The following CNKSR3 variants were observed in gnomAD, a reference collection of about 807,000 sequenced individuals.
CNKSR3 encodes CNKSR family member 3.
Under a neutral mutation model 67.7 loss-of-function variants are expected in CNKSR3, and 36 were observed. That is an observed-to-expected ratio of 0.53 (90% CI 0.41 to 0.70). CNKSR3 has a LOEUF of 0.70. CNKSR3 is among the 30% of genes least tolerant of loss of function. The pLI is 0.00. For synonymous variants in CNKSR3, 281 were observed against 271.4 expected, an observed-to-expected ratio of 1.04 and a Z score of -0.35; for missense variants, 630 against 695.2, an observed-to-expected ratio of 0.91 and a Z score of 1.05.
chr6:154,454,102 C>G (rs867638146), intron 1 of CNKSR3, among the ~76,000 whole-genome samples: 15 of 115,294 alleles, frequency 1.3e-4, no homozygotes, highest in South Asian at 3.8e-4. Context: ...CACACACACA[C>G]ACAGAGAGAG....
chr6:154,436,519 C>A (rs1032248912), intron 4 of CNKSR3, among the ~76,000 whole-genome samples: 1 of 151,916 alleles, frequency 6.6e-6, no homozygotes, highest in Admixed American at 6.6e-5. Context: ...TTTCCTAATT[C>A]TTTTTTTTGT....
chr6:154,393,594 A>G lies in CNKSR3; in HGVS notation c.*12760T>C, dbSNP rs1466638169. The G allele has an allele frequency of 6.6e-6, 1 of 152,164 alleles. No homozygotes were observed. The highest frequency in any genetic ancestry group is 1.5e-5 in the Non-Finnish European group (1 of 68,036). The allele number at this position is 152,164 out of a possible 1,614,324, so 9.4% of individuals were successfully genotyped here. On this transcript the variant is annotated 3_prime_UTR_variant, in exon 13 of 13. Coordinates refer to ENST00000607772, the MANE Select transcript of CNKSR3 (RefSeq NM_173515.4). ...CTTAGGACTTTTTAATCTTCTCCCAATTTGTAACTTTTTAAAAATTTTCTT... is the reference window on the plus strand; with the variant it reads ...CTTAGGACTTTTTAATCTTCTCCCAGTTTGTAACTTTTTAAAAATTTTCTT...
In CNKSR3 at chr6:154,430,596, A is replaced by C; in HGVS notation, c.550-5T>G. 6.2e-7 allele frequency: 1 copy of C among 1,603,752 alleles called. No individual in the cohort carries two copies. Among genetic ancestry groups the C allele is most frequent in the Non-Finnish European group, 8.5e-7 (1 of 1,177,188 alleles). ...GATGCCATTTAAAACCTTGACCTAG[A>C]ATTGGAGAAGCAAATAGTCAGGAAA... On this transcript the variant is annotated splice_polypyrimidine_tract_variant and splice_region_variant and intron_variant, in intron 5 of 12. Coordinates refer to ENST00000607772, the MANE Select transcript of CNKSR3 (RefSeq NM_173515.4).
chr6:154,418,474 C>T (rs1407615044), intron 9 of CNKSR3, among the ~76,000 whole-genome samples: 1 of 152,172 alleles, frequency 6.6e-6, no homozygotes, highest in Non-Finnish European at 1.5e-5. Context: ...ACCATACATG[C>T]TCCCATCCGC....
chr6:154,506,690 C>T (rs1392278176), intron 1 of CNKSR3, among the ~76,000 whole-genome samples: 2 of 152,256 alleles, frequency 1.3e-5, no homozygotes, highest in African/African-American at 4.8e-5. Flanking sequence ...ATTTGGTTAA[C>T]CCACTGGGTT....
chr6:154,510,470 C>T lies in CNKSR3; in HGVS notation c.-356G>A, dbSNP rs1787193816. 1 of 323,008 alleles carries T rather than the reference C, an allele frequency of 3.1e-6. No individual in the cohort carries two copies. The highest frequency in any genetic ancestry group is 5.7e-6 in the Non-Finnish European group (1 of 175,290). 20.0% of individuals were successfully genotyped at this position (323,008 alleles called of 1,614,324 possible). A position where few individuals can be genotyped will look rare whatever the true frequency, so the allele number is the denominator to read the frequency against. ...GGAGCCTCCCGGCCCGCGACCACTT[C>T]CTCGGATCTCTCGAGGCGCGATCGG... On this transcript the variant is annotated 5_prime_UTR_variant, in exon 1 of 13. Transcript: ENST00000607772.
chr6:154,429,617 C>A (rs1323027954), intron 6 of CNKSR3, among the ~76,000 whole-genome samples: 1 of 152,104 alleles, frequency 6.6e-6, no homozygotes, highest in Non-Finnish European at 1.5e-5. Context: ...AGAATGTGGG[C>A]CTGTCAACAA....
At position 154,460,843 on chromosome 6, in the gene CNKSR3, C is replaced by T. The variant is rs895102004; in HGVS notation, c.53-10585G>A. Among the ~76,000 whole-genome samples the T allele has an allele frequency of 3.3e-5, 5 of 152,312 alleles. No homozygotes were observed. In the East Asian group the frequency reaches 9.6e-4, roughly 29 times the overall value. ...TTTATGTTTTTAGCACGGGGGAGAA[C>T]CAACTCGGCACAGAGACATGCAGTG... On this transcript the variant is annotated intron_variant, in intron 1 of 12. Coordinates refer to ENST00000607772, the MANE Select transcript of CNKSR3 (RefSeq NM_173515.4).
intron 1 of CNKSR3, among the ~76,000 whole-genome samples, chr6:154,470,679 C>G (rs1409349594): frequency 1.3e-5 from 2 of 152,172 alleles, no homozygotes; most frequent in African/African-American, 2.4e-5. Flanking sequence ...TTTATCCATT[C>G]ATCAGTTGAT....
chr6:154,441,753 A>AAC (rs1554233535), intron 3 of CNKSR3, among the ~76,000 whole-genome samples: 2 of 151,522 alleles, frequency 1.3e-5, no homozygotes, highest in Admixed American at 6.6e-5. Context: ...AAACAAAACA[A>AAC]AACAAAAATT....
chr6:154,422,464 C>T, intron 9 of CNKSR3, 42 bp downstream of exon 9: 3 of 1,586,646 alleles, frequency 1.9e-6, no homozygotes, highest in Non-Finnish European at 1.7e-6. Flanking sequence ...TAATGAGATA[C>T]TCAACATTGT....
Position 154,451,947 on chromosome 6 carries a change from C to T in CNKSR3, c.53-1689G>A, listed in dbSNP as rs375366851. On this transcript the variant is annotated intron_variant, in intron 1 of 12. Transcript: ENST00000607772. ...ACAGCCTTGAGCTACAGGTGGCCTT[C>T]GTGGCACGCGAGTCAGGCAGGCAGT... 4.6e-5 allele frequency among the ~76,000 whole-genome samples: 7 copies of T among 152,262 alleles called. 1 individual carries two copies. The highest frequency in any genetic ancestry group is 1.7e-4 in the African/African-American group (7 of 41,562).
intron 1 of CNKSR3, among the ~76,000 whole-genome samples, chr6:154,464,510 A>G (rs1786150945): frequency 2.0e-5 from 3 of 151,426 alleles, no homozygotes; most frequent in African/African-American, 7.3e-5. Context: ...AGGTCAGGAG[A>G]TCGAGACCAT....
chr6:154,417,749 G>A (rs1193996308), intron 9 of CNKSR3, among the ~76,000 whole-genome samples: 1 of 152,140 alleles, frequency 6.6e-6, no homozygotes, highest in Non-Finnish European at 1.5e-5. Context: ...AAGACCACAC[G>A]AGAACAGAGG....
At chr6:154,486,291 C>T (rs865831240) in intron 1 of CNKSR3, among the ~76,000 whole-genome samples, 3,186 of 149,596 alleles carry the variant, frequency 0.021, 113 homozygotes, top group African/African-American at 0.074. Context: ...TTCTCTCTCT[C>T]TCTTTTTCTT....
chr6:154,491,253 T>C (rs35614209), intron 1 of CNKSR3, among the ~76,000 whole-genome samples: 36,454 of 152,130 alleles, frequency 0.24, 4,576 homozygotes, highest in Admixed American at 0.33. Context: ...TGCCCTGTAG[T>C]CTAAATGCCT....
At chr6:154,430,847 G>C (rs1478650714) in intron 5 of CNKSR3, among the ~76,000 whole-genome samples, 1 of 151,888 alleles carries the variant, frequency 6.6e-6, no homozygotes, top group Non-Finnish European at 1.5e-5. Context: ...GCACAGGCCA[G>C]GCAGAAATCC....
chr6:154,421,636 C>CAGTT (rs139964029), intron 9 of CNKSR3, among the ~76,000 whole-genome samples: 6,949 of 152,176 alleles, frequency 0.046, 211 homozygotes, highest in African/African-American at 0.075. Context: ...AAAACTCAGT[C>CAGTT]AGTCTTCTAT....
intron 2 of CNKSR3, among the ~76,000 whole-genome samples, chr6:154,443,745 G>C (rs993841545): frequency 6.6e-6 from 1 of 152,154 alleles, no homozygotes; most frequent in Non-Finnish European, 1.5e-5. Flanking sequence ...TGTACTCCAA[G>C]CTACTCAAGA....
Sources: allele counts gnomAD v4.1 joint callset (sites outside exome capture counted in the v4.1 genomes callset), GRCh38; gene constraint gnomAD v4.1.1; transcripts MANE v1.5; gene names NCBI Gene and HGNC (gene_info 2026-07-23, HGNC 2026-07-21).